Variants in BTLA observed in about 807,000 individuals in gnomAD.
BTLA encodes the protein B- and T-lymphocyte attenuator.
Under a neutral mutation model 25.0 loss-of-function variants are expected in BTLA, and 11 were observed. The ratio of observed to expected loss-of-function variants is 0.44; its 90% CI spans 0.28 to 0.73. The LOEUF (loss-of-function observed/expected upper bound fraction) is 0.73. Ranked by LOEUF, BTLA falls within the 30% of genes least tolerant of loss-of-function variation. The pLI is 0.15. For synonymous variants in BTLA, 104 were observed against 119.8 expected (o/e 0.87, Z 0.86); for missense variants, 282 against 332.8 (o/e 0.85, Z 1.19).
intron 1 of BTLA, among the ~76,000 whole-genome samples, chr3:112,490,604 A>AACACACACACAC (rs55894234): frequency 1.6e-3 from 226 of 142,340 alleles, no homozygotes; most frequent in African/African-American, 5.1e-3. Context: ...TCCCTGGGTA[A>AACACACACACAC]ACACACACAC....
intron 2 of BTLA, among the ~76,000 whole-genome samples, chr3:112,478,293 T>C (rs2082299789): frequency 6.6e-6 from 1 of 152,186 alleles, no homozygotes; most frequent in South Asian, 2.1e-4. Flanking sequence ...TACATATTCT[T>C]GAATTTCTTT....
intron 1 of BTLA, among the ~76,000 whole-genome samples, chr3:112,485,407 C>T (rs944626655): frequency 3.9e-5 from 6 of 152,162 alleles, no homozygotes; most frequent in Admixed American, 3.3e-4. Context: ...TCTGCCTGTT[C>T]TGAATTATGC....
chr3:112,492,935 G>C (rs1371224927), intron 1 of BTLA, among the ~76,000 whole-genome samples: 2 of 152,086 alleles, frequency 1.3e-5, no homozygotes, highest in African/African-American at 2.4e-5. Context: ...TGTTTTCCTG[G>C]GACTGATCTA....
chr3:112,499,262 G>C lies in BTLA; in HGVS notation c.88+9C>G. The stretch of plus-strand genomic sequence containing the variant: ...ATAAAACCAGAAATAACCTAAGCAG[G>C]TGCCTTACCATGGATGTTCCAGATG... On this transcript the variant is annotated intron_variant, in intron 1 of 4. Coordinates refer to ENST00000334529, the MANE Select transcript of BTLA (RefSeq NM_181780.4). 6.4e-7 allele frequency: 1 copy of C among 1,567,680 alleles called. No individual in the cohort carries two copies. The highest frequency in any genetic ancestry group is 1.4e-5 in the African/African-American group (1 of 73,886).
At chr3:112,472,132 G>T (rs896365484) in intron 2 of BTLA, among the ~76,000 whole-genome samples, 1 of 152,108 alleles carries the variant, frequency 6.6e-6, no homozygotes, top group African/African-American at 2.4e-5. Context: ...AACAAGGTAG[G>T]GGGAGGGAGG....
chr3:112,470,812 G>A (rs965568322), intron 3 of BTLA, among the ~76,000 whole-genome samples: 6 of 152,168 alleles, frequency 3.9e-5, no homozygotes, highest in Non-Finnish European at 8.8e-5. Flanking sequence ...GCATGATGTG[G>A]TGTGGCTGTG....
chr3:112,486,187 C>T (rs1195064211), intron 1 of BTLA, among the ~76,000 whole-genome samples: 2 of 152,168 alleles, frequency 1.3e-5, no homozygotes, highest in African/African-American at 2.4e-5. Flanking sequence ...TGAAATATCC[C>T]TTGTTAAGTC....
intron 1 of BTLA, among the ~76,000 whole-genome samples, chr3:112,484,513 G>A (rs1180686266): frequency 6.6e-6 from 1 of 152,140 alleles, no homozygotes; most frequent in Non-Finnish European, 1.5e-5. Flanking sequence ...ACCATCCCCT[G>A]ACCACACAAA....
intron 1 of BTLA, among the ~76,000 whole-genome samples, chr3:112,488,015 C>T (rs2082357811): frequency 6.6e-6 from 1 of 152,108 alleles, no homozygotes; most frequent in African/African-American, 2.4e-5. Flanking sequence ...TGTCACCGTC[C>T]CATTCCATCA....
At chr3:112,494,581 A>G (rs1249424128) in intron 1 of BTLA, among the ~76,000 whole-genome samples, 2 of 152,260 alleles carry the variant, frequency 1.3e-5, no homozygotes, top group African/African-American at 4.8e-5. Context: ...GCCATAAAAA[A>G]GAATGAGATC....
intron 1 of BTLA, among the ~76,000 whole-genome samples, chr3:112,485,439 G>C (rs2082341243): frequency 1.3e-5 from 2 of 152,038 alleles, no homozygotes; most frequent in Non-Finnish European, 2.9e-5. Context: ...ATGATACTTA[G>C]GACACACAAA....
intron 2 of BTLA, among the ~76,000 whole-genome samples, chr3:112,477,245 T>G (rs571529425): frequency 6.6e-6 from 1 of 152,260 alleles, no homozygotes; most frequent in African/African-American, 2.4e-5. Flanking sequence ...TCTTTTGATT[T>G]TGAGGAACTG....
intron 2 of BTLA, 37 bp from the exon 3 acceptor site, chr3:112,471,392 T>C (rs1439027107): frequency 6.2e-7 from 1 of 1,605,896 alleles, no homozygotes; most frequent in Non-Finnish European, 8.5e-7. Flanking sequence ...AGTTAGGAAA[T>C]CTGAGATATA....
intron 2 of BTLA, among the ~76,000 whole-genome samples, chr3:112,477,576 C>A (rs1442047924): frequency 1.3e-5 from 2 of 151,930 alleles, no homozygotes; most frequent in Non-Finnish European, 2.9e-5. Context: ...TCTTTTGATG[C>A]ACAGAAGTGT....
chr3:112,488,554 C>G (rs2082362384), intron 1 of BTLA, among the ~76,000 whole-genome samples: 1 of 151,192 alleles, frequency 6.6e-6, no homozygotes, highest in African/African-American at 2.4e-5. Context: ...CTTACCATAC[C>G]CTCATATCCC....
chr3:112,464,032 G>T lies in BTLA; in HGVS notation c.*2076C>A. 2.5e-6 allele frequency: 1 copy of T among 396,142 alleles called. No homozygotes were observed. Among genetic ancestry groups the T allele is most frequent in the South Asian group, 1.3e-4 (1 of 7,698 alleles). The allele number at this position is 396,142 out of a possible 1,614,324, so 24.5% of individuals were successfully genotyped here. ...GCACAATCACAAGCTTAAAATTTGTGAAAAACCATTAAATTATCTACATAT... is the reference window on the plus strand; with the variant it reads ...GCACAATCACAAGCTTAAAATTTGTTAAAAACCATTAAATTATCTACATAT... On this transcript the variant is annotated 3_prime_UTR_variant, in exon 5 of 5. Coordinates refer to ENST00000334529, the MANE Select transcript of BTLA (RefSeq NM_181780.4).
upstream of BTLA, chr3:112,499,515 G>C: frequency 1.8e-6 from 1 of 569,056 alleles, no homozygotes; most frequent in Non-Finnish European, 3.1e-6. Context: ...AGAGAGGAGA[G>C]TAGGAAGAGC....
chr3:112,496,373 T>C (rs1413401475), intron 1 of BTLA, among the ~76,000 whole-genome samples: 1 of 152,188 alleles, frequency 6.6e-6, no homozygotes, highest in African/African-American at 2.4e-5. Context: ...TAAGCAAGCA[T>C]ACTTTTGTAA....
rs2082216848 is a variant in BTLA at position 112,464,858 on chromosome 3, C to T, written c.*1250G>A. ...CATTCCTTTGTGCAGCAGCTCAGCTCACATATTTGTTGAAATGGATTTTAA... is the reference window on the plus strand; with the variant it reads ...CATTCCTTTGTGCAGCAGCTCAGCTTACATATTTGTTGAAATGGATTTTAA... On this transcript the variant is annotated 3_prime_UTR_variant, in exon 5 of 5. Transcript: ENST00000334529. The T allele has an allele frequency of 1.3e-5, 2 of 152,090 alleles. No individual in the cohort carries two copies. The highest frequency in any genetic ancestry group is 1.9e-4 in the East Asian group (1 of 5,176). 9.4% of individuals were successfully genotyped at this position (152,090 alleles called of 1,614,324 possible). A position where few individuals can be genotyped will look rare whatever the true frequency, so the allele number is the denominator to read the frequency against.
Sources: gnomAD v4.1 joint callset for allele counts (sites outside exome capture counted in the v4.1 genomes callset) on GRCh38, gnomAD v4.1.1 for gene constraint, MANE v1.5 for transcripts, NCBI Gene and HGNC (gene_info 2026-07-23, HGNC 2026-07-21) for gene names.